The following MGST2 variants were observed in gnomAD, a reference collection of about 807,000 sequenced individuals.
The protein encoded by MGST2 is microsomal glutathione S-transferase 2.
In MGST2, 9 loss-of-function variants were observed where a neutral mutation model predicts 16.6. The ratio of observed to expected loss-of-function variants is 0.54; its 90% CI spans 0.33 to 0.95. The LOEUF (loss-of-function observed/expected upper bound fraction) is 0.95. MGST2 is among the 40% of genes least tolerant of loss of function. MGST2 has a pLI of 0.03. For missense variants in MGST2, 159 were observed against 175.1 expected, an observed-to-expected ratio of 0.91 and a Z score of 0.52; for synonymous variants, 79 against 68.0, an observed-to-expected ratio of 1.16 and a Z score of -0.79.
At chr4:139,684,836 T>C (rs564843101) in intron 2 of MGST2, among the ~76,000 whole-genome samples, 2 of 152,298 alleles carry the variant, frequency 1.3e-5, no homozygotes, top group South Asian at 2.1e-4. Flanking sequence ...CCCTCTATTA[T>C]TCCTGAAGTC....
chr4:139,668,642 GGAGA>G (rs796358101), intron 1 of MGST2, among the ~76,000 whole-genome samples: 22 of 150,022 alleles, frequency 1.5e-4, no homozygotes, highest in African/African-American at 4.2e-4. Context: ...AGGGGGAGAG[GGAGA>G]GAGAGAGAGG....
intron 2 of MGST2, among the ~76,000 whole-genome samples, chr4:139,681,009 T>C (rs1731213269): frequency 6.9e-6 from 1 of 145,326 alleles, no homozygotes; most frequent in Non-Finnish European, 1.5e-5. Flanking sequence ...ACTCATGTCC[T>C]TCTGTTTTAG....
At chr4:139,730,565 C>T (rs143572204) in intron 5 of MGST2, 137 of 1,596,002 alleles carry the variant, frequency 8.6e-5, no homozygotes, top group African/African-American at 8.3e-4. Flanking sequence ...CCCAGGAAGC[C>T]GGGGCCTGCG....
At chr4:139,670,470 A>G (rs1730625070) in intron 1 of MGST2, among the ~76,000 whole-genome samples, 1 of 152,198 alleles carries the variant, frequency 6.6e-6, no homozygotes, top group South Asian at 2.1e-4. Flanking sequence ...CATGGAAGGT[A>G]TCTATTGGTT....
intron 2 of MGST2, among the ~76,000 whole-genome samples, chr4:139,691,837 T>A (rs1021203380): frequency 6.6e-6 from 1 of 152,070 alleles, no homozygotes; most frequent in South Asian, 2.1e-4. Context: ...TAACTGGGAC[T>A]ACAGGCACCC....
intron 1 of MGST2, among the ~76,000 whole-genome samples, chr4:139,667,387 G>T (rs1730422512): frequency 6.6e-6 from 1 of 151,230 alleles, no homozygotes; most frequent in Non-Finnish European, 1.5e-5. Flanking sequence ...AGGCCTGCAG[G>T]TCCACAGATG....
downstream of MGST2, among the ~76,000 whole-genome samples, chr4:139,743,913 T>TTCA (rs1729238022): frequency 5.3e-5 from 8 of 152,204 alleles, no homozygotes; most frequent in Admixed American, 5.2e-4. Context: ...CTCATGTACA[T>TTCA]TCATGTACAG....
intron 2 of MGST2, among the ~76,000 whole-genome samples, chr4:139,690,334 G>T (rs1461450854): frequency 6.6e-6 from 1 of 151,914 alleles, no homozygotes; most frequent in African/African-American, 2.4e-5. Context: ...TAGAGATGAG[G>T]TCTCACTGTG....
At chr4:139,753,558 C>T in the MGST2 span, among the ~76,000 whole-genome samples, 1 of 152,068 alleles carries the variant, frequency 6.6e-6, no homozygotes, top group East Asian at 1.9e-4. Context: ...GAGTCTAAAA[C>T]TACCATGAAA....
At chr4:139,736,316 G>T (rs1728944748) in intron 5 of MGST2, among the ~76,000 whole-genome samples, 1 of 152,196 alleles carries the variant, frequency 6.6e-6, no homozygotes, top group African/African-American at 2.4e-5. Flanking sequence ...AGTTTGAGAA[G>T]GCGAAAGTAT....
downstream of MGST2, among the ~76,000 whole-genome samples, chr4:139,744,822 G>C (rs1203442161): frequency 6.6e-6 from 1 of 152,194 alleles, no homozygotes; most frequent in Non-Finnish European, 1.5e-5. Context: ...CGTGTGTTCT[G>C]TTTCCATTCG....
exon 6 of MGST2, chr4:139,740,409 ATGGACTGAAAG>A (rs1729121834): frequency 6.6e-6 from 1 of 152,180 alleles, no homozygotes; most frequent in Admixed American, 6.5e-5. Flanking sequence ...GTCAGGACAC[ATGGACTGAAAG>A]TGGTTTGTCA....
chr4:139,719,477 G>A (rs1728138428), intron 5 of MGST2: 1 of 1,614,030 alleles, frequency 6.2e-7, no homozygotes, highest in Non-Finnish European at 8.5e-7. Flanking sequence ...GTCCTGAGGG[G>A]CATTCCGCTC....
At chr4:139,687,968 A>C (rs183312988) in intron 2 of MGST2, among the ~76,000 whole-genome samples, 6 of 152,354 alleles carry the variant, frequency 3.9e-5, no homozygotes, top group Admixed American at 2.0e-4. Context: ...TTATTACTGA[A>C]TTTAGAAAAT....
At chr4:139,731,616 CA>C (rs146139547) in intron 5 of MGST2, among the ~76,000 whole-genome samples, 3 of 150,398 alleles carry the variant, frequency 2.0e-5, no homozygotes, top group African/African-American at 7.3e-5. Flanking sequence ...GACTCTTTCT[CA>C]AAAAAAAAGA....
chr4:139,719,989 C>G (rs1424435653), intron 5 of MGST2: 1 of 1,614,106 alleles, frequency 6.2e-7, no homozygotes. Flanking sequence ...CCAGCATGCT[C>G]TGACCAAAGC....
intron 2 of MGST2, among the ~76,000 whole-genome samples, chr4:139,691,673 G>GATT (rs1560747685): frequency 6.4e-5 from 8 of 125,862 alleles, no homozygotes; most frequent in African/African-American, 3.3e-4. Flanking sequence ...GTCAGATGAT[G>GATT]ATGATGATGA....
intron 2 of MGST2, chr4:139,679,076 A>C (rs1455312286): frequency 5.4e-6 from 1 of 183,882 alleles, no homozygotes; most frequent in Non-Finnish European, 1.1e-5. Flanking sequence ...ACCATTTCTT[A>C]AAATCAGAAA....
downstream of MGST2, among the ~76,000 whole-genome samples, chr4:139,709,034 A>G (rs1579340959): frequency 6.7e-6 from 1 of 150,230 alleles, no homozygotes; most frequent in East Asian, 2.0e-4. Flanking sequence ...AAAAGAAAAA[A>G]ACAACTATGG....
Sources: allele counts gnomAD v4.1 joint callset (sites outside exome capture counted in the v4.1 genomes callset), GRCh38; gene constraint gnomAD v4.1.1; transcripts MANE v1.5; gene names NCBI Gene and HGNC (gene_info 2026-07-23, HGNC 2026-07-21).